The following MIER2 variants were observed in gnomAD, a reference collection of about 807,000 sequenced individuals.
The protein encoded by MIER2 is mesoderm induction early response protein 2.
A neutral mutation model predicts 67.6 loss-of-function variants in MIER2; 30 were observed. The ratio of observed to expected loss-of-function variants is 0.44; its 90% confidence interval spans 0.33 to 0.60. MIER2 has a LOEUF of 0.60. MIER2 is among the 20% of genes least tolerant of loss of function. MIER2 has a pLI of 0.02. For synonymous variants in MIER2, 372 were observed against 312.6 expected, an observed-to-expected ratio of 1.19 and a Z score of -2.00; for missense variants, 702 against 745.1, an observed-to-expected ratio of 0.94 and a Z score of 0.67.
At chr19:310,725 C>CTGGAG (rs1970956024) in intron 10 of MIER2, among the ~76,000 whole-genome samples, 2 of 131,106 alleles carry the variant, frequency 1.5e-5, no homozygotes, top group African/African-American at 6.4e-5. Context: ...GGAACATGGC[C>CTGGAG]CGGAGCTGTA....
At chr19:317,559 T>TAAATAAATAAATAAATA (rs1971304168) in intron 7 of MIER2, among the ~76,000 whole-genome samples, 2 of 146,628 alleles carry the variant, frequency 1.4e-5, no homozygotes, top group South Asian at 4.2e-4. Context: ...AATAAATAAA[T>TAAATAAATAAATAAATA]AAATAAAATA....
intron 1 of MIER2, among the ~76,000 whole-genome samples, chr19:336,458 A>G (rs1455874247): frequency 2.6e-5 from 4 of 152,234 alleles, no homozygotes; most frequent in Non-Finnish European, 4.4e-5. Context: ...ACAGGCCTAC[A>G]GTCCTGACCC....
chr19:318,549 G>A (rs79544186), intron 7 of MIER2, among the ~76,000 whole-genome samples: 1 of 152,188 alleles, frequency 6.6e-6, no homozygotes, highest in African/African-American at 2.4e-5. Flanking sequence ...AAAAAATTAA[G>A]TGAGAATACA....
In MIER2 at chr19:306,195, C is replaced by T. The variant is rs1054876598; in HGVS notation, c.*495G>A. 5.8e-6 allele frequency: 1 copy of T among 171,636 alleles called. No homozygotes were observed. Among genetic ancestry groups the T allele is most frequent in the South Asian group, 1.5e-4 (1 of 6,640 alleles). The allele number at this position is 171,636 out of a possible 1,614,324, so 10.6% of individuals were successfully genotyped here. On this transcript the variant is annotated 3_prime_UTR_variant, in exon 14 of 14. Coordinates refer to ENST00000264819, the MANE Select transcript of MIER2 (RefSeq NM_017550.3). ...GGCACTGAGTAGCAGCTGCCCACGA[C>T]CCCCAGGGCTGGGGCAGCCCGCGGC...
In MIER2 at chr19:328,118, A is replaced by G. The variant is rs376370496; in HGVS notation, c.244-129T>C. 4.0e-6 allele frequency: 5 copies of G among 1,260,738 alleles called. No homozygotes were observed. The African/African-American group carries it at 4.7e-5, about 12-fold the overall frequency. 78.1% of individuals were successfully genotyped at this position (1,260,738 alleles called of 1,614,324 possible). On this transcript the variant is annotated intron_variant, in intron 3 of 13. Coordinates refer to ENST00000264819, the MANE Select transcript of MIER2 (RefSeq NM_017550.3). ...TGTCACACCCATAGCAACTCCCCACATGGCAGCACTCCCCAGCCAGACCTC... is the reference window on the plus strand; with the variant it reads ...TGTCACACCCATAGCAACTCCCCACGTGGCAGCACTCCCCAGCCAGACCTC...
intron 3 of MIER2, among the ~76,000 whole-genome samples, chr19:332,304 A>AT (rs1235743400): frequency 1.3e-5 from 2 of 151,224 alleles, no homozygotes; most frequent in Non-Finnish European, 1.5e-5. Flanking sequence ...TTACATGTCA[A>AT]TTTTTTTTGT....
chr19:329,819 T>A (rs180833029), intron 3 of MIER2, among the ~76,000 whole-genome samples: 462 of 145,810 alleles, frequency 3.2e-3, no homozygotes, highest in Non-Finnish European at 5.8e-3. Flanking sequence ...TGAGCCGACA[T>A]TGTGCTACTG....
intron 7 of MIER2, among the ~76,000 whole-genome samples, chr19:323,719 C>G (rs1272662596): frequency 1.3e-5 from 2 of 152,070 alleles, no homozygotes; most frequent in Non-Finnish European, 2.9e-5. Flanking sequence ...CGCAACCACA[C>G]AGACAACTCA....
At chr19:328,425 GAAA>G (rs987374666) in intron 3 of MIER2, among the ~76,000 whole-genome samples, 2 of 132,982 alleles carry the variant, frequency 1.5e-5, no homozygotes. Context: ...TTCCTGATTT[GAAA>G]AAAAAAAAAA....
chr19:335,841 G>A (rs1972226680), intron 2 of MIER2, among the ~76,000 whole-genome samples: 1 of 152,290 alleles, frequency 6.6e-6, no homozygotes, highest in Middle Eastern at 3.4e-3. Flanking sequence ...TCTGCTGGGG[G>A]TGCTGGGCTC....
intron 7 of MIER2, among the ~76,000 whole-genome samples, chr19:316,909 C>CA (rs1258224283): frequency 3.3e-5 from 5 of 151,716 alleles, no homozygotes; most frequent in African/African-American, 1.2e-4. Flanking sequence ...GCGGAGGTTG[C>CA]AATGAGCCGA....
chr19:322,799 A>G (rs538636130), intron 7 of MIER2, among the ~76,000 whole-genome samples: 4 of 152,276 alleles, frequency 2.6e-5, no homozygotes, highest in Admixed American at 1.3e-4. Flanking sequence ...CCGAGTGCCT[A>G]TGTCCACTAA....
In MIER2 at chr19:325,171, G is replaced by A. The variant is rs113014400; in HGVS notation, c.655+464C>T. On this transcript the variant is annotated intron_variant, in intron 7 of 13. Coordinates refer to ENST00000264819, the MANE Select transcript of MIER2 (RefSeq NM_017550.3). The stretch of plus-strand genomic sequence containing the variant: ...CGCCTCAAAGGGGCAAGAGAGGGTC[G>A]ATTTTGAACTCTAGTGGGAAAGAGA... Among the ~76,000 whole-genome samples, 44 of 152,356 alleles carry A rather than the reference G, an allele frequency of 2.9e-4. 1 individual carries two copies. The highest frequency in any genetic ancestry group is 9.6e-4 in the African/African-American group (40 of 41,586).
chr19:307,495 G>A lies in MIER2; in HGVS notation c.1240C>T (p.Pro414Ser). 6.6e-7 allele frequency: 1 copy of A among 1,525,836 alleles called. No homozygotes were observed. Among genetic ancestry groups the A allele is most frequent in the Non-Finnish European group, 8.8e-7 (1 of 1,141,598 alleles). 94.5% of individuals were successfully genotyped at this position (1,525,836 alleles called of 1,614,324 possible). Residue 414 changes from proline to serine, a missense_variant, in exon 13 of 14, where the codon CCC becomes TCC. Pro to Ser is a moderately conservative substitution (Grantham distance 74). This residue lies in a region of MIER2 where 254 missense variants were observed against 262.8 expected (regional missense o/e 0.97). Transcript: ENST00000264819. Reference protein sequence around the residue: ...VDGTAGGLDEPGVASDGLPSS... With the variant: ...VDGTAGGLDESGVASDGLPSS... ...GGGAGTCCATCAGAGGCCACTCCGG[G>A]CTCATCGAGACCACCGGCCGTGCCA...
At chr19:319,651 G>T (rs536361108) in intron 7 of MIER2, among the ~76,000 whole-genome samples, 1 of 152,018 alleles carries the variant, frequency 6.6e-6, no homozygotes, top group East Asian at 2.0e-4. Context: ...TAGCGACAGG[G>T]TTTCACCATG....
At chr19:330,044 C>T (rs542887715) in intron 3 of MIER2, among the ~76,000 whole-genome samples, 2 of 152,078 alleles carry the variant, frequency 1.3e-5, no homozygotes, top group Non-Finnish European at 1.5e-5. Context: ...AGTGGTGAGA[C>T]GAAGAGGCTG....
In MIER2 at chr19:336,177, C is replaced by A. The variant is rs759889791; in HGVS notation, c.10-4G>T. 2 of 1,611,616 alleles carry A rather than the reference C, an allele frequency of 1.2e-6. No individual in the cohort carries two copies. The highest frequency in any genetic ancestry group is 1.7e-5 in the Admixed American group (1 of 59,908). On this transcript the variant is annotated splice_region_variant and splice_polypyrimidine_tract_variant and intron_variant, in intron 1 of 13. Transcript: ENST00000264819. ...TCTGCCTCCCCAGCGAGGAGGCCTG[C>A]GAAGGAAGAGAGGCAGGGTTAGCTC...
At chr19:334,812 C>T (rs1054277121) in intron 2 of MIER2, among the ~76,000 whole-genome samples, 3 of 152,170 alleles carry the variant, frequency 2.0e-5, no homozygotes, top group African/African-American at 7.2e-5. Context: ...ACAGAGAAGC[C>T]TGCGAGGATT....
Position 308,729 on chromosome 19 carries a change from G to A in MIER2, c.1110-64C>T, listed in dbSNP as rs371628553. The A allele has an allele frequency of 2.0e-5, 32 of 1,591,946 alleles. 1 individual carries two copies. In the African/African-American group the frequency reaches 2.0e-4, roughly 10 times the overall value. ...CAGACGCCCCCACCCAAGAGGTGCC[G>A]CCCAGGCGCCCACGTGCCCACCCCC... On this transcript the variant is annotated intron_variant, in intron 11 of 13. Transcript: ENST00000264819. This position sits in a 1 kb window ranked among gnomAD's most constrained non-coding sequence, Gnocchi z 9.1.
Sources: allele counts gnomAD v4.1 joint callset (sites outside exome capture counted in the v4.1 genomes callset), GRCh38; gene constraint gnomAD v4.1.1; regional missense constraint gnomAD v4.1.1; non-coding constraint Gnocchi (gnomAD v3.1); transcripts MANE v1.5; gene names NCBI Gene and HGNC (gene_info 2026-07-23, HGNC 2026-07-21).